The following ELMOD2 variants were observed in gnomAD, a reference collection of about 807,000 sequenced individuals.
The protein encoded by ELMOD2 is ELMO domain-containing protein 2.
A neutral mutation model predicts 41.0 loss-of-function variants in ELMOD2; 28 were observed. The observed-to-expected ratio is 0.68, with a 90% CI of 0.51 to 0.94. The LOEUF (loss-of-function observed/expected upper bound fraction) is 0.94. ELMOD2 is among the 40% of genes least tolerant of loss of function. ELMOD2 has a pLI of 0.00. For synonymous variants in ELMOD2, 106 were observed against 107.2 expected (o/e 0.99, Z 0.07); for missense variants, 333 against 343.1 (o/e 0.97, Z 0.23).
chr4:140,553,580 C>T lies in ELMOD2; in HGVS notation c.*3205C>T, dbSNP rs969223351. ...CAACTACTACCTTACTATTATAGGA[C>T]GATTCTATGTTTCTGTTAAAGTATT... On this transcript the variant is annotated 3_prime_UTR_variant, in exon 9 of 9. Coordinates refer to ENST00000323570, the MANE Select transcript of ELMOD2 (RefSeq NM_153702.4). 2 of 151,804 alleles carry T rather than the reference C, an allele frequency of 1.3e-5. No homozygotes were observed. Among genetic ancestry groups the T allele is most frequent in the African/African-American group, 4.8e-5 (2 of 41,316 alleles). The allele number at this position is 151,804 out of a possible 1,614,324, so 9.4% of individuals were successfully genotyped here.
chr4:140,530,243 G>A (rs889606169), intron 3 of ELMOD2, among the ~76,000 whole-genome samples: 6 of 152,116 alleles, frequency 3.9e-5, no homozygotes, highest in Admixed American at 6.5e-5. Context: ...TGTATGTGTG[G>A]TAAAATCATG....
chr4:140,547,200 G>A (rs1043946081), intron 8 of ELMOD2, among the ~76,000 whole-genome samples: 3 of 152,162 alleles, frequency 2.0e-5, no homozygotes, highest in African/African-American at 7.2e-5. Context: ...TTTCTCTCCA[G>A]AAGGAAGAAC....
intron 3 of ELMOD2, among the ~76,000 whole-genome samples, chr4:140,529,718 G>A (rs771497165): frequency 1.3e-4 from 20 of 152,022 alleles, no homozygotes; most frequent in Admixed American, 2.6e-4. Context: ...ATCTTCTCCC[G>A]CTTAAAAGCT....
chr4:140,527,454 T>G lies in ELMOD2; in HGVS notation c.143-12T>G. ...AAGTGATAACATCTTTTTTTTTTTT[T>G]TGTCATTTCAGAAAATTCCTTGACA... is the stretch of plus-strand genomic sequence containing the variant. On this transcript the variant is annotated splice_polypyrimidine_tract_variant and intron_variant, in intron 2 of 8. Transcript: ENST00000323570. 1 of 1,577,220 alleles carries G rather than the reference T, an allele frequency of 6.3e-7. No individual in the cohort carries two copies. The highest frequency in any genetic ancestry group is 8.6e-7 in the Non-Finnish European group (1 of 1,161,070).
intron 3 of ELMOD2, among the ~76,000 whole-genome samples, chr4:140,528,346 A>C (rs1029126225): frequency 3.3e-5 from 5 of 152,198 alleles, no homozygotes; most frequent in Admixed American, 6.5e-5. Context: ...TTTTGTCTAC[A>C]TGTAGATTAT....
intron 3 of ELMOD2, among the ~76,000 whole-genome samples, chr4:140,533,328 T>C (rs893721077): frequency 6.6e-6 from 1 of 152,088 alleles, no homozygotes; most frequent in Admixed American, 6.6e-5. Flanking sequence ...AAGATGAATA[T>C]AACAGATGAG....
At chr4:140,532,082 G>A (rs937388942) in intron 3 of ELMOD2, among the ~76,000 whole-genome samples, 1 of 151,172 alleles carries the variant, frequency 6.6e-6, no homozygotes, top group Non-Finnish European at 1.5e-5. Flanking sequence ...TGTCCTTCAT[G>A]AATATAGGTG....
At chr4:140,550,140 A>G (rs942875904) in intron 8 of ELMOD2, 90 bp from the exon 9 acceptor site, 18 of 1,113,990 alleles carry the variant, frequency 1.6e-5, no homozygotes, top group South Asian at 5.9e-5. Flanking sequence ...TATGGAATTT[A>G]AAGGATGGTT....
chr4:140,540,800 C>T (rs1444955458), intron 6 of ELMOD2, among the ~76,000 whole-genome samples: 1 of 150,696 alleles, frequency 6.6e-6, no homozygotes, highest in Non-Finnish European at 1.5e-5. Context: ...GATTTCTTTA[C>T]TTACCAATGC....
In ELMOD2 at chr4:140,551,873, T is replaced by G. The variant is rs970278020; in HGVS notation, c.*1498T>G. 3.3e-5 allele frequency: 5 copies of G among 152,082 alleles called. No homozygotes were observed. Among genetic ancestry groups the G allele is most frequent in the Non-Finnish European group, 7.4e-5 (5 of 67,926 alleles). The allele number at this position is 152,082 out of a possible 1,614,324, so 9.4% of individuals were successfully genotyped here. ...ATGCAGTGTTGTATAGCACATACAT[T>G]TAAAGTGCTTGCGTTAAAATTAGTT... On this transcript the variant is annotated 3_prime_UTR_variant, in exon 9 of 9. Coordinates refer to ENST00000323570, the MANE Select transcript of ELMOD2 (RefSeq NM_153702.4).
chr4:140,550,531 G>A lies in ELMOD2; in HGVS notation c.*156G>A. 7 of 742,588 alleles carry A rather than the reference G, an allele frequency of 9.4e-6. No homozygotes were observed. The highest frequency in any genetic ancestry group is 3.3e-5 in the East Asian group (1 of 30,574). 46.0% of individuals were successfully genotyped at this position (742,588 alleles called of 1,614,324 possible). On this transcript the variant is annotated 3_prime_UTR_variant, in exon 9 of 9. Coordinates refer to ENST00000323570, the MANE Select transcript of ELMOD2 (RefSeq NM_153702.4). ...TTAAGAAAGCTAGTGGACAATCAGT[G>A]TATGTTTACAATTGTTTATACACTG...
chr4:140,551,452 T>A lies in ELMOD2; in HGVS notation c.*1077T>A, dbSNP rs905603934. On this transcript the variant is annotated 3_prime_UTR_variant, in exon 9 of 9. Coordinates refer to ENST00000323570, the MANE Select transcript of ELMOD2 (RefSeq NM_153702.4). ...CTAAAATAGCTTGAAGATGACTTGA[T>A]GACTGTGCATTTTATATAGTTTTAT... The A allele has an allele frequency of 6.6e-6, 1 of 152,088 alleles. No homozygotes were observed. The highest frequency in any genetic ancestry group is 1.5e-5 in the Non-Finnish European group (1 of 67,934). 9.4% of individuals were successfully genotyped at this position (152,088 alleles called of 1,614,324 possible).
At chr4:140,532,996 C>T (rs1205204217) in intron 3 of ELMOD2, among the ~76,000 whole-genome samples, 1 of 152,032 alleles carries the variant, frequency 6.6e-6, no homozygotes, top group South Asian at 2.1e-4. Flanking sequence ...ACAAAAGCAT[C>T]CAGAAAACAT....
chr4:140,541,806 A>G (rs1383745108), intron 6 of ELMOD2, among the ~76,000 whole-genome samples: 3 of 152,150 alleles, frequency 2.0e-5, no homozygotes, highest in Non-Finnish European at 4.4e-5. Context: ...GGAAGTGTAT[A>G]TTAATACTCT....
chr4:140,543,502 T>C lies in ELMOD2; in HGVS notation c.652T>C (p.Leu218=). Residue 218 remains leucine, a synonymous_variant, in exon 8 of 9, where the codon TTA becomes CTA. Transcript: ENST00000323570. The part of the protein sequence containing the change: ...GINLTEMAYS[L]LKSEALKFHL... ...CAATCTTACAGAGATGGCTTATAGC[T>C]TACTGAAGAGTGAAGCTTTGAAGTT... 1 of 1,605,998 alleles carries C rather than the reference T, an allele frequency of 6.2e-7. No individual in the cohort carries two copies. The highest frequency in any genetic ancestry group is 8.5e-7 in the Non-Finnish European group (1 of 1,177,760).
chr4:140,545,812 C>T (rs981631727), intron 8 of ELMOD2, among the ~76,000 whole-genome samples: 1 of 151,842 alleles, frequency 6.6e-6, no homozygotes, highest in Non-Finnish European at 1.5e-5. Flanking sequence ...GTTAGAATGG[C>T]GATCATTAAA....
At chr4:140,526,228 T>G (rs1734557961) in intron 2 of ELMOD2, among the ~76,000 whole-genome samples, 1 of 152,230 alleles carries the variant, frequency 6.6e-6, no homozygotes, top group Non-Finnish European at 1.5e-5. Context: ...GGGTTAAAAA[T>G]ATATTAAAAT....
intron 3 of ELMOD2, among the ~76,000 whole-genome samples, chr4:140,528,180 A>G (rs971981064): frequency 6.6e-5 from 10 of 152,236 alleles, no homozygotes; most frequent in Non-Finnish European, 1.2e-4. Context: ...AACAAGTTAC[A>G]TGGCCAAGCC....
intron 6 of ELMOD2, 82 bp downstream of exon 6, chr4:140,540,383 T>A: frequency 4.1e-6 from 6 of 1,474,440 alleles, no homozygotes; most frequent in Non-Finnish European, 3.7e-6. Flanking sequence ...TAAGAAGTGA[T>A]CTAGTTGATT....
Sources: gnomAD v4.1 joint callset for allele counts (sites outside exome capture counted in the v4.1 genomes callset) on GRCh38, gnomAD v4.1.1 for gene constraint, MANE v1.5 for transcripts, NCBI Gene and HGNC (gene_info 2026-07-23, HGNC 2026-07-21) for gene names.